ASXL3: variants seen among roughly 807,000 people sequenced by gnomAD.
ASXL3 encodes the protein ASXL transcriptional regulator 3.
Under a neutral mutation model 170.6 loss-of-function variants are expected in ASXL3, and 34 were observed. That is an observed-to-expected ratio of 0.20 (90% CI 0.15 to 0.27). The LOEUF (loss-of-function observed/expected upper bound fraction) is 0.27, where lower values mean the gene tolerates loss of function less well. ASXL3 is among the 10% of genes least tolerant of loss of function. The probability of loss-of-function intolerance (pLI) is 1.00; values close to 1 mark genes in which losing one functional copy is unlikely to be tolerated. For synonymous variants in ASXL3, 1,002 were observed against 989.1 expected, an observed-to-expected ratio of 1.01 and a Z score of -0.24; for missense variants, 2,592 against 2,695.3, an observed-to-expected ratio of 0.96 and a Z score of 0.85.
At chr18:33,712,869 C>T (rs1179098787) in intron 8 of ASXL3, among the ~76,000 whole-genome samples, 1 of 152,138 alleles carries the variant, frequency 6.6e-6, no homozygotes, top group African/African-American at 2.4e-5. Flanking sequence ...GTAGCCAGTG[C>T]ATCCGTGGGA....
intron 7 of ASXL3, among the ~76,000 whole-genome samples, chr18:33,679,147 T>G (rs1599484431): frequency 6.6e-6 from 1 of 152,316 alleles, no homozygotes; most frequent in East Asian, 1.9e-4. Flanking sequence ...ATAAATGACC[T>G]CAACTCTGTT....
intron 1 of ASXL3, among the ~76,000 whole-genome samples, chr18:33,581,353 T>C (rs796356648): frequency 2.0e-4 from 31 of 152,272 alleles, no homozygotes; most frequent in African/African-American, 7.2e-4. Flanking sequence ...ATAGAAAATA[T>C]ATAACTCAAT....
intron 8 of ASXL3, among the ~76,000 whole-genome samples, chr18:33,727,966 G>A (rs921124102): frequency 6.6e-6 from 1 of 152,078 alleles, no homozygotes; most frequent in Middle Eastern, 3.2e-3. Context: ...TCTTGAATGT[G>A]TTTATGTCAC....
Position 33,743,843 on chromosome 18 carries a change from A to T in ASXL3, c.3995A>T (p.Asn1332Ile). The T allele has an allele frequency of 3.1e-6, 5 of 1,614,062 alleles. No homozygotes were observed. Among genetic ancestry groups the T allele is most frequent in the Non-Finnish European group, 4.2e-6 (5 of 1,179,906 alleles). Residue 1332 changes from asparagine (N) to isoleucine (I), a missense_variant, in exon 12 of 12, where the codon AAC becomes ATC. By Grantham distance (149) the Asn-to-Ile change is moderately radical. Around this residue, in one of 4 missense-constraint regions of ASXL3, gnomAD observed 2,246 missense variants for 2,219.6 expected, o/e 1.01. Transcript: ENST00000269197. ...QLLISSSSASNLVSTQYTSVP... is the reference protein window; with the variant it reads ...QLLISSSSASILVSTQYTSVP... ...CTAATATCAAGCAGCAGTGCTAGTA[A>T]CTTAGTCTCCACTCAGTACACCTCT...
intron 2 of ASXL3, among the ~76,000 whole-genome samples, chr18:33,631,534 C>T (rs2065677207): frequency 6.6e-6 from 1 of 152,056 alleles, no homozygotes; most frequent in Non-Finnish European, 1.5e-5. Context: ...AATAATGCCA[C>T]TCTACAAACC....
chr18:33,686,123 A>G (rs2066593178), intron 8 of ASXL3, among the ~76,000 whole-genome samples: 1 of 152,254 alleles, frequency 6.6e-6, no homozygotes, highest in Non-Finnish European at 1.5e-5. Flanking sequence ...AGTCACTGTG[A>G]GAAATATAAT....
At chr18:33,655,385 T>C (rs1401467701) in intron 4 of ASXL3, among the ~76,000 whole-genome samples, 1 of 152,028 alleles carries the variant, frequency 6.6e-6, no homozygotes, top group African/African-American at 2.4e-5. Context: ...ATAAAGAGAA[T>C]CAGTGCTTGT....
chr18:33,589,095 G>A lies in ASXL3; in HGVS notation c.54+10410G>A, dbSNP rs1021076855. The stretch of plus-strand genomic sequence containing the variant: ...GGTTATGGAGACAGTGTAGATTAAT[G>A]ATGGTCCTAAGAGTCAGGCAGATTT... On this transcript the variant is annotated intron_variant, in intron 1 of 11. Coordinates refer to ENST00000269197, the MANE Select transcript of ASXL3 (RefSeq NM_030632.3). Among the ~76,000 whole-genome samples the A allele has an allele frequency of 2.0e-5, 3 of 152,210 alleles. No individual in the cohort carries two copies. In the South Asian group the frequency reaches 6.2e-4, roughly 32 times the overall value.
At chr18:33,716,802 A>G (rs1304205270) in intron 8 of ASXL3, among the ~76,000 whole-genome samples, 2 of 151,998 alleles carry the variant, frequency 1.3e-5, no homozygotes, top group Admixed American at 1.3e-4. Flanking sequence ...TACTGTCTTC[A>G]AGGTGGAAAA....
intron 1 of ASXL3, among the ~76,000 whole-genome samples, chr18:33,597,682 T>G (rs1331040528): frequency 6.6e-6 from 1 of 151,878 alleles, no homozygotes; most frequent in Non-Finnish European, 1.5e-5. Flanking sequence ...GTGAAACACT[T>G]GGACAAGGAG....
At position 33,647,461 on chromosome 18, in the gene ASXL3, T is replaced by C. The variant is rs78555286; in HGVS notation, c.355+1108T>C. ...TGTCCCTATTCCCAGGCTTTTTGAG[T>C]ATCCCCCCAATTGTTGTGGTAATGG... On this transcript the variant is annotated intron_variant, in intron 4 of 11. Transcript: ENST00000269197. Among the ~76,000 whole-genome samples, 460 of 152,170 alleles carry C rather than the reference T, an allele frequency of 3.0e-3. 3 individuals are homozygous for C. The highest frequency in any genetic ancestry group is 0.011 in the African/African-American group (445 of 41,534).
chr18:33,677,413 ATTAAT>A (rs2066446612), intron 7 of ASXL3, among the ~76,000 whole-genome samples: 1 of 152,166 alleles, frequency 6.6e-6, no homozygotes. Flanking sequence ...ACAAAATTTA[ATTAAT>A]TTTAGATTAA....
Position 33,739,601 on chromosome 18 carries a change from T to C in ASXL3, c.2197T>C (p.Ser733Pro). ...AACATCAGAAACTTCTTCAGTGTCT[T>C]CCATGCTTCTCACCTCTGAGACCAC... is the stretch of plus-strand genomic sequence containing the variant. Reference protein sequence around the residue: ...PLTSETSSVSSMLLTSETTFV... With the variant: ...PLTSETSSVSPMLLTSETTFV... Residue 733 changes from serine to proline, a missense_variant, in exon 11 of 12, where the codon TCC (serine) becomes CCC (proline). This residue lies in a region of ASXL3 where 2,246 missense variants were observed against 2,219.6 expected (regional missense o/e 1.01). Coordinates refer to ENST00000269197, the MANE Select transcript of ASXL3 (RefSeq NM_030632.3). 1.2e-6 allele frequency: 2 copies of C among 1,613,982 alleles called. No homozygotes were observed. The highest frequency in any genetic ancestry group is 1.7e-6 in the Non-Finnish European group (2 of 1,179,884).
intron 2 of ASXL3, among the ~76,000 whole-genome samples, chr18:33,633,729 T>C (rs955744899): frequency 1.3e-4 from 19 of 150,628 alleles, no homozygotes; most frequent in African/African-American, 4.4e-4. Flanking sequence ...CCTGTAGTCC[T>C]GGCTACTCGG....
chr18:33,626,420 T>C (rs931212809), intron 2 of ASXL3, among the ~76,000 whole-genome samples: 3 of 152,096 alleles, frequency 2.0e-5, no homozygotes, highest in Admixed American at 6.6e-5. Context: ...GTTAGACTTA[T>C]GAAAGTGGTG....
Position 33,743,236 on chromosome 18 carries a change from C to A in ASXL3, c.3388C>A (p.Pro1130Thr). The change falls in exon 12 of 12, where the codon CCT (proline) becomes ACT (threonine). Residue 1130 changes from proline (P) to threonine (T), a missense_variant. Transcript: ENST00000269197. ...LFQTSKETRLPPPLSSKEGPP... is the reference protein window; with the variant it reads ...LFQTSKETRLTPPLSSKEGPP... ...CCAGACCTCTAAAGAGACCCGGTTG[C>A]CTCCTCCGCTCAGCTCAAAGGAAGG... 6.2e-7 allele frequency: 1 copy of A among 1,613,920 alleles called. No homozygotes were observed. The highest frequency in any genetic ancestry group is 8.5e-7 in the Non-Finnish European group (1 of 1,179,826).
intron 1 of ASXL3, among the ~76,000 whole-genome samples, chr18:33,583,003 C>T: frequency 6.6e-6 from 1 of 152,158 alleles, no homozygotes; most frequent in East Asian, 1.9e-4. Flanking sequence ...TTATGCAATA[C>T]ATTACATTCT....
chr18:33,705,339 C>T (rs189730555), intron 8 of ASXL3, among the ~76,000 whole-genome samples: 72 of 150,698 alleles, frequency 4.8e-4, no homozygotes, highest in African/African-American at 1.6e-3. Context: ...ATTTCCCAAA[C>T]GAGTGTTTGG....
In ASXL3 at chr18:33,579,826, A is replaced by AG. The variant is rs1446510885; in HGVS notation, c.54+1147dup. On this transcript the variant is annotated intron_variant, in intron 1 of 11. Coordinates refer to ENST00000269197, the MANE Select transcript of ASXL3 (RefSeq NM_030632.3). ...GACTGCATGCAGCGGGGGTTTTGGGAGGGGGGAGCAGGACGTGTTATTGGG... is the reference window on the plus strand; with the variant it reads ...GACTGCATGCAGCGGGGGTTTTGGGAGGGGGGGAGCAGGACGTGTTATTGGG... Among the ~76,000 whole-genome samples the AG allele has an allele frequency of 2.6e-5, 4 of 151,644 alleles. No individual in the cohort carries two copies. In the East Asian group the frequency reaches 5.8e-4, roughly 22 times the overall value.
Sources: allele counts gnomAD v4.1 joint callset (sites outside exome capture counted in the v4.1 genomes callset), GRCh38; gene constraint gnomAD v4.1.1; regional missense constraint gnomAD v4.1.1; transcripts MANE v1.5; gene names NCBI Gene and HGNC (gene_info 2026-07-23, HGNC 2026-07-21).